Variants in SYTL2 observed in about 807,000 individuals in gnomAD.
SYTL2 encodes synaptotagmin like 2, also known as synaptotagmin-like protein 2.
In SYTL2, 165 loss-of-function variants were observed where a neutral mutation model predicts 198.7. The ratio of observed to expected loss-of-function variants is 0.83; its 90% CI spans 0.73 to 0.94. The LOEUF (loss-of-function observed/expected upper bound fraction) is 0.94. Among genes scored for constraint, SYTL2 ranks in the 40% least tolerant of loss-of-function variants. The probability of loss-of-function intolerance (pLI) is 0.00; values close to 1 mark genes in which losing one functional copy is unlikely to be tolerated. For missense variants in SYTL2, 2,835 were observed against 2,582.8 expected (o/e 1.10, Z -2.12); for synonymous variants, 966 against 917.7 (o/e 1.05, Z -0.95).
rs532478780 is a variant in SYTL2, at chr11:85,706,220, G to C, written c.6019-1192C>G. 2.0e-5 allele frequency among the ~76,000 whole-genome samples: 3 copies of C among 152,206 alleles called. No homozygotes were observed. The South Asian group carries it at 6.2e-4, about 32-fold the overall frequency. On this transcript the variant is annotated intron_variant, in intron 15 of 19. Transcript: ENST00000359152. ...TTTCACACAAATTAACTAATTTACT[G>C]TTCTCCACTGCTAAGGTAGGTAGGT... is the stretch of plus-strand genomic sequence containing the variant.
chr11:85,826,761 T>G, the SYTL2 span, among the ~76,000 whole-genome samples: 1 of 152,232 alleles, frequency 6.6e-6, no homozygotes, highest in Non-Finnish European at 1.5e-5. Context: ...AAAGCTCTAG[T>G]TCACAGTCGG....
chr11:85,817,956 T>G, the SYTL2 span, among the ~76,000 whole-genome samples: 1 of 146,512 alleles, frequency 6.8e-6, no homozygotes, highest in African/African-American at 2.5e-5. Flanking sequence ...CAGGATGCAG[T>G]GCAGTGGTGT....
chr11:85,808,108 C>G (rs1034108643), intron 1 of SYTL2, among the ~76,000 whole-genome samples: 3 of 151,988 alleles, frequency 2.0e-5, no homozygotes, highest in African/African-American at 7.3e-5. Context: ...GCTCTGTCAC[C>G]CAGGCTGGAG....
intron 2 of SYTL2, among the ~76,000 whole-genome samples, chr11:85,750,614 T>C (rs745944287): frequency 6.6e-6 from 1 of 152,188 alleles, no homozygotes; most frequent in Non-Finnish European, 1.5e-5. Flanking sequence ...TAACCACCTT[T>C]GTAATGCCAG....
At chr11:85,714,588 A>C in intron 11 of SYTL2, 81 bp from the exon 12 acceptor site, 1 of 1,535,344 alleles carries the variant, frequency 6.5e-7, no homozygotes, top group East Asian at 2.4e-5. Flanking sequence ...ACATACTTTT[A>C]TTTAATCTAT....
At chr11:85,843,483 A>G in the SYTL2 span, among the ~76,000 whole-genome samples, 3 of 152,008 alleles carry the variant, frequency 2.0e-5, no homozygotes, top group Non-Finnish European at 4.4e-5. Flanking sequence ...CTTGAGGAGG[A>G]GGGGCAAATT....
the SYTL2 span, among the ~76,000 whole-genome samples, chr11:85,843,570 A>T: frequency 6.6e-6 from 1 of 152,104 alleles, no homozygotes; most frequent in African/African-American, 2.4e-5. Flanking sequence ...GTGTGTGTGC[A>T]GGCTTGGAGC....
rs775478870 is a variant in SYTL2, at chr11:85,724,038, G to C, written c.5320C>G (p.Pro1774Ala). 2.1e-6 allele frequency: 3 copies of C among 1,456,760 alleles called. No individual in the cohort carries two copies. The highest frequency in any genetic ancestry group is 2.7e-6 in the Non-Finnish European group (3 of 1,105,892). The allele number at this position is 1,456,760 out of a possible 1,614,324, so 90.2% of individuals were successfully genotyped here. Residue 1774 changes from proline (P) to alanine (A), a missense_variant, in exon 8 of 20, where the codon CCT (proline) becomes GCT (alanine). This residue lies in a region of SYTL2 where 2,645 missense variants were observed against 2,381.7 expected (regional missense o/e 1.11). Coordinates refer to ENST00000359152, the MANE Select transcript of SYTL2 (RefSeq NM_206927.4). ...TSSNAESWRN[P>A]SSSEEEPSPV... ...AAAAATTTTAAATGCTCACTGGAAGGATTTCTCCAGCTCTCTGCATTAGAA... is the reference window on the plus strand; with the variant it reads ...AAAAATTTTAAATGCTCACTGGAAGCATTTCTCCAGCTCTCTGCATTAGAA...
chr11:85,794,227 G>C (rs2092771421), intron 1 of SYTL2, among the ~76,000 whole-genome samples: 1 of 151,768 alleles, frequency 6.6e-6, no homozygotes, highest in South Asian at 2.1e-4. Context: ...CACCCAGGCT[G>C]AAGTGCAACA....
chr11:85,766,814 T>C (rs1055374917), intron 1 of SYTL2, among the ~76,000 whole-genome samples: 3 of 152,226 alleles, frequency 2.0e-5, no homozygotes, highest in Non-Finnish European at 4.4e-5. Context: ...GAGGATTTAA[T>C]GTACTCTTGG....
upstream of SYTL2, among the ~76,000 whole-genome samples, chr11:85,811,465 T>C (rs1278977909): frequency 2.0e-5 from 3 of 152,136 alleles, no homozygotes; most frequent in African/African-American, 7.2e-5. Flanking sequence ...CACGGCGCGT[T>C]AGGGGGCCTT....
At chr11:85,813,500 A>G (rs1031577513), upstream of SYTL2, among the ~76,000 whole-genome samples, 1 of 152,362 alleles carries the variant, frequency 6.6e-6, no homozygotes, top group East Asian at 1.9e-4. Context: ...TGGTTTACAT[A>G]TAAGTGACAC....
the SYTL2 span, among the ~76,000 whole-genome samples, chr11:85,846,881 T>C: frequency 6.6e-6 from 1 of 151,530 alleles, no homozygotes; most frequent in South Asian, 2.1e-4. Context: ...TTTACAGGCA[T>C]GCACCACCAC....
At chr11:85,842,249 C>G in the SYTL2 span, among the ~76,000 whole-genome samples, 1 of 152,212 alleles carries the variant, frequency 6.6e-6, no homozygotes, top group Non-Finnish European at 1.5e-5. Flanking sequence ...AAACCCTTAG[C>G]TTCTTCCTGT....
In SYTL2 at chr11:85,727,372, T is replaced by C. The variant is rs187397451; in HGVS notation, c.1986A>G (p.Ala662=). Residue 662 remains alanine, a synonymous_variant, in exon 8 of 20, where the codon GCA becomes GCG. Coordinates refer to ENST00000359152, the MANE Select transcript of SYTL2 (RefSeq NM_206927.4). ...AGGAATAGTTACTATTTGAAGGAGA[T>C]GCCCCATTCCCTTTTCCTGGGCTTT... ...DSKSPGKGNG[A]SPSNSNYSYS... is the part of the protein sequence containing the mutation. 3 of 1,536,306 alleles carry C rather than the reference T, an allele frequency of 2.0e-6. No homozygotes were observed. The highest frequency in any genetic ancestry group is 4.9e-5 in the East Asian group (2 of 40,920).
chr11:85,764,546 G>C (rs1240131682), intron 1 of SYTL2, among the ~76,000 whole-genome samples: 2 of 152,190 alleles, frequency 1.3e-5, no homozygotes, highest in Non-Finnish European at 2.9e-5. Context: ...CAGCTGGTTA[G>C]GGGCAAAGAT....
the SYTL2 span, among the ~76,000 whole-genome samples, chr11:85,827,263 G>GC: frequency 6.6e-6 from 1 of 152,152 alleles, no homozygotes; most frequent in Non-Finnish European, 1.5e-5. Flanking sequence ...GCCCTCTGAG[G>GC]CCCCTAGGTG....
chr11:85,848,300 A>G, the SYTL2 span, among the ~76,000 whole-genome samples: 1 of 151,386 alleles, frequency 6.6e-6, no homozygotes, highest in African/African-American at 2.4e-5. Flanking sequence ...TCAAGAGCAG[A>G]TATTTTAAAT....
At chr11:85,719,226 T>C (rs1001786874) in intron 9 of SYTL2, 3 of 1,207,688 alleles carry the variant, frequency 2.5e-6, no homozygotes, top group Non-Finnish European at 1.0e-6. Context: ...CATTAACAAA[T>C]ATTTGTGTGT....
Sources: gnomAD v4.1 joint callset for allele counts (sites outside exome capture counted in the v4.1 genomes callset) on GRCh38, gnomAD v4.1.1 for gene constraint, gnomAD v4.1.1 regional missense constraint, MANE v1.5 for transcripts, NCBI Gene and HGNC (gene_info 2026-07-23, HGNC 2026-07-21) for gene names.